Variants in TBC1D8 observed in about 807,000 individuals in gnomAD.
The protein encoded by TBC1D8 is BUB2-like protein 1.
In TBC1D8, 65 loss-of-function variants were observed where a neutral mutation model predicts 118.8. The ratio of observed to expected loss-of-function variants is 0.55; its 90% confidence interval spans 0.45 to 0.67. The LOEUF (loss-of-function observed/expected upper bound fraction) is 0.67, where lower values mean the gene tolerates loss of function less well. Among genes scored for constraint, TBC1D8 ranks in the 30% least tolerant of loss-of-function variants. The pLI, the probability that TBC1D8 is intolerant of heterozygous loss-of-function variation, is 0.00. For synonymous variants in TBC1D8, 566 were observed against 595.8 expected (o/e 0.95, Z 0.73); for missense variants, 1,376 against 1,471.2 (o/e 0.94, Z 1.06).
At chr2:101,063,281 A>G (rs1445540520) in intron 2 of TBC1D8, among the ~76,000 whole-genome samples, 1 of 152,226 alleles carries the variant, frequency 6.6e-6, no homozygotes, top group East Asian at 1.9e-4. Context: ...CTAGACTTTT[A>G]TTCTTTAAAA....
At chr2:101,008,332 T>C in intron 19 of TBC1D8, 59 bp from the exon 20 acceptor site, 1 of 1,352,960 alleles carries the variant, frequency 7.4e-7, no homozygotes, top group East Asian at 2.4e-5. Flanking sequence ...TCATTTTTTT[T>C]TTTAAACATA....
chr2:101,042,595 A>G (rs1236522633), intron 5 of TBC1D8, among the ~76,000 whole-genome samples: 1 of 152,202 alleles, frequency 6.6e-6, no homozygotes, highest in African/African-American at 2.4e-5. Flanking sequence ...TACCTACAGT[A>G]TGATCCCTTT....
At chr2:101,034,043 A>G (rs1180053246) in intron 9 of TBC1D8, among the ~76,000 whole-genome samples, 1 of 152,148 alleles carries the variant, frequency 6.6e-6, no homozygotes, top group Non-Finnish European at 1.5e-5. Flanking sequence ...GGGTGCCTGT[A>G]AACCTAGCTA....
At chr2:101,023,196 G>T (rs1680146536) in intron 15 of TBC1D8, among the ~76,000 whole-genome samples, 2 of 143,508 alleles carry the variant, frequency 1.4e-5, no homozygotes, top group Non-Finnish European at 1.5e-5. Flanking sequence ...CCAGGCTGGA[G>T]TGCAGTGGCG....
At chr2:101,012,497 CAG>C (rs1679292455) in intron 17 of TBC1D8, among the ~76,000 whole-genome samples, 1 of 152,052 alleles carries the variant, frequency 6.6e-6, no homozygotes, top group African/African-American at 2.4e-5. Flanking sequence ...TCTACAGAAA[CAG>C]AAAGCTGCCT....
chr2:101,084,484 G>A (rs562279989), intron 2 of TBC1D8, among the ~76,000 whole-genome samples: 7 of 152,292 alleles, frequency 4.6e-5, no homozygotes, highest in African/African-American at 1.7e-4. Flanking sequence ...CCGGGAGGTG[G>A]AGGTTGCAGT....
chr2:101,021,490 C>T (rs950180863), intron 17 of TBC1D8, among the ~76,000 whole-genome samples, 191 bp downstream of exon 17: 7 of 152,194 alleles, frequency 4.6e-5, no homozygotes, highest in Admixed American at 2.0e-4. Flanking sequence ...GTGCACACTC[C>T]AGTTTGGGAG....
At chr2:101,141,347 T>C (rs528887138) in intron 1 of TBC1D8, among the ~76,000 whole-genome samples, 1 of 152,348 alleles carries the variant, frequency 6.6e-6, no homozygotes, top group East Asian at 1.9e-4. Context: ...TTTCCATCTA[T>C]GGATAATCTA....
intron 17 of TBC1D8, chr2:101,019,008 A>G (rs758817335): frequency 6.2e-7 from 1 of 1,612,490 alleles, no homozygotes; most frequent in South Asian, 1.1e-5. Context: ...TTTCTGTGCT[A>G]AACAGTGTTA....
intron 5 of TBC1D8, among the ~76,000 whole-genome samples, chr2:101,043,202 C>T (rs954919893): frequency 1.3e-5 from 2 of 152,192 alleles, no homozygotes; most frequent in Non-Finnish European, 2.9e-5. Flanking sequence ...ACTGTTTCCA[C>T]GGGCGCCTGA....
At chr2:101,012,155 C>G (rs1679264221) in intron 17 of TBC1D8, among the ~76,000 whole-genome samples, 1 of 152,174 alleles carries the variant, frequency 6.6e-6, no homozygotes, top group African/African-American at 2.4e-5. Context: ...AACAGTCTGG[C>G]AGTTTTTAAA....
At chr2:101,021,581 T>A in intron 17 of TBC1D8, 100 bp downstream of exon 17, 2 of 835,044 alleles carry the variant, frequency 2.4e-6, no homozygotes, top group Non-Finnish European at 3.8e-6. Flanking sequence ...GCCTCAAGCA[T>A]AAGTGAACTT....
rs756541854 is a variant in TBC1D8, at chr2:101,033,686, C to T, written c.1676G>A (p.Cys559Tyr). 5 of 1,613,986 alleles carry T rather than the reference C, an allele frequency of 3.1e-6. No homozygotes were observed. The highest frequency in any genetic ancestry group is 4.2e-6 in the Non-Finnish European group (5 of 1,179,894). The change falls in exon 10 of 20, where the codon TGC becomes TAC. Residue 559 changes from cysteine to tyrosine, a missense_variant. Coordinates refer to ENST00000409318, the MANE Select transcript of TBC1D8 (RefSeq NM_001330348.2). ...TCGTTCTATCTCCTCGGTTACCAGG[C>T]AGCATTTCCCCAGGGACTCCTCCAC... is the stretch of plus-strand genomic sequence containing the variant. ...NLVEESLGKC[C>Y]LVTEEIERDL...
At chr2:101,033,465 A>G (rs1267489999) in intron 10 of TBC1D8, 79 bp downstream of exon 10, 3 of 1,538,400 alleles carry the variant, frequency 2.0e-6, no homozygotes, top group Non-Finnish European at 2.7e-6. Context: ...GATGACTGGG[A>G]ATGCAAATGA....
chr2:101,137,335 C>A (rs1361918917), intron 1 of TBC1D8, among the ~76,000 whole-genome samples: 41 of 149,208 alleles, frequency 2.7e-4, no homozygotes, highest in Non-Finnish European at 3.0e-5. Flanking sequence ...GTTTTTGAGA[C>A]GGAGTCTCGC....
At chr2:101,047,552 C>T (rs1681787872) in intron 5 of TBC1D8, among the ~76,000 whole-genome samples, 1 of 152,228 alleles carries the variant, frequency 6.6e-6, no homozygotes, top group African/African-American at 2.4e-5. Context: ...GCCCACGTCT[C>T]CATGACAAAT....
intron 1 of TBC1D8, among the ~76,000 whole-genome samples, chr2:101,111,049 G>A (rs180911977): frequency 8.6e-4 from 129 of 149,522 alleles, no homozygotes; most frequent in South Asian, 1.5e-3. Flanking sequence ...ACAAATAACC[G>A]AAAAAGACCA....
intron 1 of TBC1D8, among the ~76,000 whole-genome samples, chr2:101,118,845 G>A (rs751400136): frequency 1.6e-4 from 25 of 151,958 alleles, no homozygotes; most frequent in Admixed American, 1.2e-3. Flanking sequence ...CCATCTCTAC[G>A]AAGAAAATAC....
intron 3 of TBC1D8, 42 bp from the exon 4 acceptor site, chr2:101,054,378 A>G (rs1682258295): frequency 6.5e-7 from 1 of 1,544,398 alleles, no homozygotes; most frequent in Non-Finnish European, 8.8e-7. Context: ...TGAGCCAGCA[A>G]TGGGAAGGCA....
Sources: allele counts gnomAD v4.1 joint callset (sites outside exome capture counted in the v4.1 genomes callset), GRCh38; gene constraint gnomAD v4.1.1; transcripts MANE v1.5; gene names NCBI Gene and HGNC (gene_info 2026-07-23, HGNC 2026-07-21).